ACYP2: variants seen among roughly 807,000 people sequenced by gnomAD.
The protein encoded by ACYP2 is acylphosphatase 2, also known as acylphosphatase-2.
Under a neutral mutation model 11.2 loss-of-function variants are expected in ACYP2, and 12 were observed. The observed-to-expected ratio is 1.08, with a 90% CI of 0.69 to 1.74. The LOEUF (loss-of-function observed/expected upper bound fraction) is 1.74, where lower values mean the gene tolerates loss of function less well. Among genes scored for constraint, ACYP2 ranks in the 40% most tolerant of loss-of-function variants. The pLI is 0.00. For missense variants in ACYP2, 134 were observed against 101.9 expected (o/e 1.31, Z -1.35); for synonymous variants, 43 against 32.2 (o/e 1.33, Z -1.13).
Position 54,033,749 on chromosome 2 carries a change from T to G in ACYP2, c.63-17209T>G, listed in dbSNP as rs532122013. On this transcript the variant is annotated intron_variant, in intron 2 of 6. Transcript: ENST00000607452. ...CTGCAAGGAGCCAACCAAGGTAGCA[T>G]GAAGACCAGCCGGATGGCTGTTGCC... 5.6e-4 allele frequency among the ~76,000 whole-genome samples: 86 copies of G among 152,296 alleles called. 1 individual carries two copies. Among genetic ancestry groups the G allele is most frequent in the Admixed American group, 2.9e-3 (45 of 15,294 alleles).
At chr2:54,097,417 C>T (rs933464812) in intron 4 of ACYP2, among the ~76,000 whole-genome samples, 3 of 152,228 alleles carry the variant, frequency 2.0e-5, no homozygotes, top group South Asian at 2.1e-4. Flanking sequence ...TAAATGAAAA[C>T]TATGAAAAGC....
intron 4 of ACYP2, among the ~76,000 whole-genome samples, chr2:54,121,337 C>T (rs1029016493): frequency 1.3e-4 from 20 of 152,200 alleles, no homozygotes; most frequent in African/African-American, 4.8e-4. Context: ...AAGCACCATT[C>T]AGTTGGCTAA....
intron 2 of ACYP2, among the ~76,000 whole-genome samples, chr2:54,044,755 T>C (rs1010739961): frequency 2.6e-5 from 4 of 152,188 alleles, no homozygotes; most frequent in Admixed American, 6.5e-5. Context: ...CATTTTTTTT[T>C]CTGCAATGAC....
At chr2:54,230,829 C>CTTTTT (rs34359444) in intron 6 of ACYP2, among the ~76,000 whole-genome samples, 12 of 129,400 alleles carry the variant, frequency 9.3e-5, no homozygotes, top group East Asian at 2.2e-4. Context: ...TCTTTCTTTT[C>CTTTTT]TTTTTTTTTT....
At chr2:54,303,862 C>G (rs767007345) in intron 6 of ACYP2, among the ~76,000 whole-genome samples, 5 of 152,098 alleles carry the variant, frequency 3.3e-5, no homozygotes, top group Non-Finnish European at 5.9e-5. Flanking sequence ...TTTTATAAAC[C>G]TAAAGTCCCA....
chr2:54,056,714 G>T (rs1284857611), intron 3 of ACYP2, among the ~76,000 whole-genome samples: 1 of 152,102 alleles, frequency 6.6e-6, no homozygotes, highest in Non-Finnish European at 1.5e-5. Context: ...TCAGAAAATA[G>T]TAACTATATT....
At chr2:54,224,707 C>T (rs1211797985) in intron 6 of ACYP2, among the ~76,000 whole-genome samples, 1 of 99,928 alleles carries the variant, frequency 1.0e-5, no homozygotes, top group Non-Finnish European at 2.1e-5. Flanking sequence ...GGGGTTTCAC[C>T]GGGTACCAGC....
chr2:54,195,287 A>C (rs903024915), intron 6 of ACYP2, among the ~76,000 whole-genome samples: 3 of 152,166 alleles, frequency 2.0e-5, no homozygotes, highest in Non-Finnish European at 4.4e-5. Flanking sequence ...ATCTTCTCAG[A>C]TCCTTAAACT....
At chr2:54,227,496 G>A (rs549761577) in intron 6 of ACYP2, among the ~76,000 whole-genome samples, 5 of 152,022 alleles carry the variant, frequency 3.3e-5, no homozygotes, top group South Asian at 2.1e-4. Context: ...AAAATTATCC[G>A]GTTCATGGTG....
At chr2:54,266,811 G>A (rs529935150) in intron 6 of ACYP2, among the ~76,000 whole-genome samples, 2 of 151,538 alleles carry the variant, frequency 1.3e-5, no homozygotes, top group South Asian at 2.1e-4. Flanking sequence ...GGGTTTCACC[G>A]TGTTAGCCAG....
At chr2:54,134,118 G>T (rs1681085496) in intron 4 of ACYP2, among the ~76,000 whole-genome samples, 1 of 152,082 alleles carries the variant, frequency 6.6e-6, no homozygotes, top group African/African-American at 2.4e-5. Context: ...TTCCATTTCA[G>T]TTAGTTTCCA....
chr2:54,022,532 T>G (rs1674058742), intron 2 of ACYP2, among the ~76,000 whole-genome samples: 1 of 151,858 alleles, frequency 6.6e-6, no homozygotes, highest in Non-Finnish European at 1.5e-5. Context: ...TAGGCAGGTG[T>G]CACCATGCTC....
At chr2:54,085,955 A>AT (rs1332552674) in intron 4 of ACYP2, among the ~76,000 whole-genome samples, 1 of 151,716 alleles carries the variant, frequency 6.6e-6, no homozygotes, top group Admixed American at 6.6e-5. Flanking sequence ...TTTTATTTTT[A>AT]TTTTTTTGAG....
At chr2:54,256,631 C>G (rs977606916) in intron 6 of ACYP2, among the ~76,000 whole-genome samples, 6 of 152,064 alleles carry the variant, frequency 3.9e-5, no homozygotes, top group Admixed American at 3.3e-4. Flanking sequence ...ACAAATATTT[C>G]CTCCCACTCT....
intron 6 of ACYP2, among the ~76,000 whole-genome samples, chr2:54,228,284 G>A (rs1044241953): frequency 1.3e-5 from 2 of 152,178 alleles, no homozygotes; most frequent in Non-Finnish European, 2.9e-5. Context: ...AGTGCAGTCT[G>A]TAATTCTGTA....
At chr2:54,092,432 A>T (rs1678285784) in intron 4 of ACYP2, among the ~76,000 whole-genome samples, 1 of 152,192 alleles carries the variant, frequency 6.6e-6, no homozygotes, top group Admixed American at 6.5e-5. Flanking sequence ...TAAGTGAACA[A>T]TGTAGCCAAC....
In ACYP2 at chr2:54,282,541, T is replaced by C. The variant is rs182884122; in HGVS notation, c.405-22147T>C. Among the ~76,000 whole-genome samples the C allele has an allele frequency of 6.6e-5, 10 of 152,346 alleles. No individual in the cohort carries two copies. In the East Asian group the frequency reaches 1.9e-3, roughly 29 times the overall value. ...TCACATGTTTTTCTCCATCTATTCC[T>C]ATGAATGTTTAAGAAAACTTATTCA... is the stretch of plus-strand genomic sequence containing the variant. On this transcript the variant is annotated intron_variant, in intron 6 of 6. Transcript: ENST00000607452.
intron 2 of ACYP2, among the ~76,000 whole-genome samples, chr2:53,982,043 T>C (rs1671790224): frequency 2.6e-5 from 4 of 152,260 alleles, no homozygotes; most frequent in Admixed American, 2.0e-4. Context: ...TAATCAAATA[T>C]AGTAAAGAGA....
At chr2:54,027,337 CT>C (rs1280393775) in intron 2 of ACYP2, among the ~76,000 whole-genome samples, 5 of 152,118 alleles carry the variant, frequency 3.3e-5, no homozygotes, top group Admixed American at 2.6e-4. Flanking sequence ...CTTTTCCCTC[CT>C]TTTCCCCCAG....
Sources: gnomAD v4.1 joint callset for allele counts (sites outside exome capture counted in the v4.1 genomes callset) on GRCh38, gnomAD v4.1.1 for gene constraint, MANE v1.5 for transcripts, NCBI Gene and HGNC (gene_info 2026-07-23, HGNC 2026-07-21) for gene names.